The following RNF130 variants were observed in gnomAD, a reference collection of about 807,000 sequenced individuals.
RNF130 encodes the protein E3 ubiquitin-protein ligase RNF130.
Under a neutral mutation model 44.6 loss-of-function variants are expected in RNF130, and 21 were observed. The observed-to-expected ratio is 0.47, with a 90% CI of 0.33 to 0.68. The LOEUF (loss-of-function observed/expected upper bound fraction) is 0.68, where lower values mean the gene tolerates loss of function less well. Among genes scored for constraint, RNF130 ranks in the 30% least tolerant of loss-of-function variants. The pLI is 0.02. For missense variants in RNF130, 479 were observed against 560.6 expected (o/e 0.85, Z 1.47); for synonymous variants, 214 against 210.4 (o/e 1.02, Z -0.15).
intron 2 of RNF130, among the ~76,000 whole-genome samples, chr5:180,038,304 C>G (rs965596250): frequency 1.3e-5 from 2 of 151,680 alleles, no homozygotes; most frequent in Non-Finnish European, 1.5e-5. Flanking sequence ...ATCCTCCTAC[C>G]TTGGCTTCCC....
intron 1 of RNF130, among the ~76,000 whole-genome samples, chr5:180,070,357 G>A (rs892160580): frequency 1.3e-5 from 2 of 152,146 alleles, no homozygotes; most frequent in African/African-American, 4.8e-5. Context: ...TCTGAGTTGC[G>A]GACAGGCTAC....
At chr5:180,028,189 T>A (rs184625180) in intron 2 of RNF130, among the ~76,000 whole-genome samples, 1 of 152,294 alleles carries the variant, frequency 6.6e-6, no homozygotes, top group Admixed American at 6.5e-5. Context: ...CGGATGCTGT[T>A]TCCTCAAGGC....
intron 2 of RNF130, among the ~76,000 whole-genome samples, chr5:180,022,062 C>G (rs977592452): frequency 6.6e-6 from 1 of 152,222 alleles, no homozygotes; most frequent in Non-Finnish European, 1.5e-5. Context: ...TCAGGTGCCG[C>G]TGGCAGTAAC....
At chr5:180,022,265 T>C (rs906358053) in intron 2 of RNF130, among the ~76,000 whole-genome samples, 4 of 152,236 alleles carry the variant, frequency 2.6e-5, no homozygotes, top group African/African-American at 9.6e-5. Context: ...GCTTTGAGGC[T>C]AGGTAAATAT....
intron 7 of RNF130, among the ~76,000 whole-genome samples, chr5:179,937,101 T>TAAAACGAAATATCATC (rs1156735415): frequency 4.3e-4 from 37 of 86,982 alleles, no homozygotes; most frequent in African/African-American, 1.3e-3. Context: ...TGGATATCAT[T>TAAAACGAAATATCATC]AAAACGAAAT....
intron 3 of RNF130, among the ~76,000 whole-genome samples, chr5:180,000,591 CT>C (rs149740298): frequency 4.0e-5 from 6 of 151,304 alleles, no homozygotes; most frequent in East Asian, 3.9e-4. Flanking sequence ...ATTCTTATTT[CT>C]TTTTTTTTGT....
At chr5:180,004,912 A>G (rs551314405) in intron 3 of RNF130, among the ~76,000 whole-genome samples, 1 of 152,148 alleles carries the variant, frequency 6.6e-6, no homozygotes, top group African/African-American at 2.4e-5. Context: ...TCCTTCATTC[A>G]TTCACCACCA....
At chr5:179,941,893 C>T (rs537790893) in intron 7 of RNF130, among the ~76,000 whole-genome samples, 20 of 151,920 alleles carry the variant, frequency 1.3e-4, no homozygotes, top group Non-Finnish European at 2.2e-4. Context: ...AACTGATTAA[C>T]GGAATTTAAA....
At chr5:180,017,327 G>T (rs1216094648) in intron 2 of RNF130, among the ~76,000 whole-genome samples, 1 of 152,046 alleles carries the variant, frequency 6.6e-6, no homozygotes, top group East Asian at 1.9e-4. Context: ...TTTATTTTTG[G>T]TGGCAAATTT....
At chr5:180,063,237 G>GA (rs1765026800) in intron 1 of RNF130, among the ~76,000 whole-genome samples, 1 of 152,194 alleles carries the variant, frequency 6.6e-6, no homozygotes, top group African/African-American at 2.4e-5. Context: ...GAGAGACCAA[G>GA]AAAAAGAGAG....
In RNF130 at chr5:180,003,140, G is replaced by A. The variant is rs557685945; in HGVS notation, c.693+9921C>T. 3.9e-5 allele frequency among the ~76,000 whole-genome samples: 6 copies of A among 152,244 alleles called. No homozygotes were observed. In the South Asian group the frequency reaches 1.2e-3, roughly 32 times the overall value. On this transcript the variant is annotated intron_variant, in intron 3 of 8. Transcript: ENST00000521389. ...GCCTGAATTAGGCAAGCAGCAGTAG[G>A]TAAAGAAAGAAGAGCGCAAAGTCAA...
intron 7 of RNF130, among the ~76,000 whole-genome samples, chr5:179,964,961 A>G (rs1762408838): frequency 2.0e-5 from 3 of 152,254 alleles, no homozygotes; most frequent in Non-Finnish European, 4.4e-5. Context: ...GGGAAAATGT[A>G]TATGGCATTT....
chr5:180,004,367 CA>C (rs1269455851), intron 3 of RNF130, among the ~76,000 whole-genome samples: 1 of 152,160 alleles, frequency 6.6e-6, no homozygotes, highest in Non-Finnish European at 1.5e-5. Flanking sequence ...TTAGAAATGA[CA>C]AAACCACAGA....
intron 1 of RNF130, among the ~76,000 whole-genome samples, chr5:180,071,215 G>A (rs1458612739): frequency 1.3e-5 from 2 of 152,256 alleles, no homozygotes; most frequent in African/African-American, 4.8e-5. Context: ...CGAGCTGCCT[G>A]AACGCAAAGA....
intron 3 of RNF130, among the ~76,000 whole-genome samples, chr5:180,010,273 G>C (rs1189094577): frequency 1.8e-5 from 2 of 113,226 alleles, no homozygotes; most frequent in Non-Finnish European, 1.7e-5. Context: ...AAAAAAAAAA[G>C]TATCTCAAGG....
At chr5:180,053,155 T>C (rs1764728273) in intron 1 of RNF130, among the ~76,000 whole-genome samples, 1 of 152,072 alleles carries the variant, frequency 6.6e-6, no homozygotes, top group Non-Finnish European at 1.5e-5. Context: ...TAAAGGTTTT[T>C]AACAGATCTC....
intron 1 of RNF130, among the ~76,000 whole-genome samples, chr5:180,054,642 T>C (rs1477808904): frequency 6.6e-6 from 1 of 152,242 alleles, no homozygotes; most frequent in East Asian, 1.9e-4. Context: ...TAGTAAGTTT[T>C]CAAATTGAGA....
intron 3 of RNF130, among the ~76,000 whole-genome samples, chr5:179,991,660 G>C (rs989446416): frequency 1.3e-5 from 2 of 152,138 alleles, no homozygotes; most frequent in African/African-American, 2.4e-5. Flanking sequence ...ACCAGTGACT[G>C]GTTTTGTGGA....
Position 179,986,708 on chromosome 5 carries a change from ATTTGT to A in RNF130, c.694-6513_694-6509del, listed in dbSNP as rs767042766. Among the ~76,000 whole-genome samples the A allele has an allele frequency of 5.9e-5, 9 of 152,280 alleles. No individual in the cohort carries two copies. In the South Asian group the frequency reaches 1.0e-3, roughly 18 times the overall value. ...CTTCCAACTGTGAATGGTGCCATGT[ATTTGT>A]TTTAATAATTTTTAACTTTTTACAA... On this transcript the variant is annotated intron_variant, in intron 3 of 8. Transcript: ENST00000521389.
Sources: allele counts gnomAD v4.1 joint callset (sites outside exome capture counted in the v4.1 genomes callset), GRCh38; gene constraint gnomAD v4.1.1; transcripts MANE v1.5; gene names NCBI Gene and HGNC (gene_info 2026-07-23, HGNC 2026-07-21).